CFH: variants seen among roughly 807,000 people sequenced by gnomAD.
CFH encodes H factor 1 (complement).
In CFH, 53 loss-of-function variants were observed where a neutral mutation model predicts 147.3. That is an observed-to-expected ratio of 0.36 (90% CI 0.29 to 0.45). CFH has a LOEUF of 0.45. CFH is among the 20% of genes least tolerant of loss of function. The pLI, the probability that CFH is intolerant of heterozygous loss-of-function variation, is 1.00. For synonymous variants in CFH, 536 were observed against 489.4 expected, an observed-to-expected ratio of 1.10 and a Z score of -1.26; for missense variants, 1,380 against 1,498.0, an observed-to-expected ratio of 0.92 and a Z score of 1.30.
chr1:196,698,432 T>C (rs1668351519), intron 9 of CFH, among the ~76,000 whole-genome samples: 1 of 152,116 alleles, frequency 6.6e-6, no homozygotes, highest in African/African-American at 2.4e-5. Context: ...CATCAGAGAA[T>C]ACTATAAACA....
rs939118688 is a variant in CFH at position 196,708,538 on chromosome 1, G to C, written c.1337-5197G>C. Among the ~76,000 whole-genome samples, 3 of 152,106 alleles carry C rather than the reference G, an allele frequency of 2.0e-5. No homozygotes were observed. In the South Asian group the frequency reaches 6.2e-4, roughly 32 times the overall value. ...TACTATGCCAAAAATATTTACAGTG[G>C]GGAATATCACACAAATTCTGGGGAG... On this transcript the variant is annotated intron_variant, in intron 9 of 21. Transcript: ENST00000367429.
At chr1:196,690,997 C>G (rs1455227362) in intron 9 of CFH, among the ~76,000 whole-genome samples, 2 of 152,086 alleles carry the variant, frequency 1.3e-5, no homozygotes, top group Non-Finnish European at 2.9e-5. Flanking sequence ...TGCAAGCTTC[C>G]AGCTTGCTTG....
chr1:196,717,767 G>T (rs572149230), intron 11 of CFH, among the ~76,000 whole-genome samples: 1 of 152,206 alleles, frequency 6.6e-6, no homozygotes, highest in African/African-American at 2.4e-5. Flanking sequence ...GACTTACATA[G>T]TTGCCCTGAG....
At chr1:196,705,383 T>C (rs1411960838) in intron 9 of CFH, among the ~76,000 whole-genome samples, 1 of 152,200 alleles carries the variant, frequency 6.6e-6, no homozygotes, top group African/African-American at 2.4e-5. Flanking sequence ...GAGGGGTTTT[T>C]AGGTATGGCT....
At chr1:196,717,363 C>T (rs1668895402) in intron 11 of CFH, among the ~76,000 whole-genome samples, 1 of 151,912 alleles carries the variant, frequency 6.6e-6, no homozygotes, top group Non-Finnish European at 1.5e-5. Context: ...ATATTTATTG[C>T]CATAGTGCCT....
At chr1:196,730,168 A>G (rs184058383) in intron 15 of CFH, among the ~76,000 whole-genome samples, 76 of 151,912 alleles carry the variant, frequency 5.0e-4, no homozygotes, top group Non-Finnish European at 9.1e-4. Context: ...TTTGAGGTGT[A>G]CTACTAGACT....
In CFH at chr1:196,690,921, C is replaced by T. The variant is rs192585786; in HGVS notation, c.1336+682C>T. Reference sequence around the variant, plus strand: ...CTGGCAAAGAGAAAGGAAGATGCACCTGCCATATGAACATGCCTAGTCCCA... The same window carrying T: ...CTGGCAAAGAGAAAGGAAGATGCACTTGCCATATGAACATGCCTAGTCCCA... On this transcript the variant is annotated intron_variant, in intron 9 of 21. Coordinates refer to ENST00000367429, the MANE Select transcript of CFH (RefSeq NM_000186.4). 1.5e-3 allele frequency among the ~76,000 whole-genome samples: 228 copies of T among 152,268 alleles called. 2 individuals carry two copies. Among genetic ancestry groups the T allele is most frequent in the African/African-American group, 5.2e-3 (218 of 41,566 alleles).
At chr1:196,693,602 C>A (rs895600766) in intron 9 of CFH, among the ~76,000 whole-genome samples, 1 of 152,034 alleles carries the variant, frequency 6.6e-6, no homozygotes, top group Admixed American at 6.6e-5. Flanking sequence ...ATGCTCTGGG[C>A]GGGATGGAGC....
chr1:196,737,683 A>AT (rs1652609462), intron 17 of CFH, 23 bp downstream of exon 17: 3 of 1,594,114 alleles, frequency 1.9e-6, no homozygotes, highest in Non-Finnish European at 2.6e-6. Context: ...TGAATACTCA[A>AT]TTTCTGTTTA....
intron 11 of CFH, among the ~76,000 whole-genome samples, chr1:196,721,029 T>C (rs1449119899): frequency 6.6e-6 from 1 of 152,076 alleles, no homozygotes; most frequent in Admixed American, 6.6e-5. Flanking sequence ...CTCATTTTTT[T>C]AATTCGCATT....
intron 7 of CFH, among the ~76,000 whole-genome samples, chr1:196,688,217 C>A (rs1354095754): frequency 6.6e-6 from 1 of 151,666 alleles, no homozygotes; most frequent in African/African-American, 2.4e-5. Flanking sequence ...ATGAAAAGAG[C>A]AAATTTTCTG....
chr1:196,672,685 T>C (rs1009738264), intron 1 of CFH, among the ~76,000 whole-genome samples: 2 of 152,162 alleles, frequency 1.3e-5, no homozygotes, highest in Non-Finnish European at 2.9e-5. Context: ...CAATTAAGAG[T>C]AATATAACAA....
At chr1:196,669,656 G>C (rs942897573) in intron 1 of CFH, among the ~76,000 whole-genome samples, 1 of 152,228 alleles carries the variant, frequency 6.6e-6, no homozygotes, top group Admixed American at 6.5e-5. Flanking sequence ...TTCAGAAAAT[G>C]TATATAAGTG....
chr1:196,669,281 G>A (rs1036983979), intron 1 of CFH, among the ~76,000 whole-genome samples: 2 of 152,124 alleles, frequency 1.3e-5, no homozygotes, highest in Non-Finnish European at 2.9e-5. Context: ...AATAAAACCC[G>A]AATTTTCTTG....
intron 6 of CFH, 133 bp downstream of exon 6, chr1:196,679,926 A>T (rs1262792055): frequency 1.2e-6 from 1 of 841,308 alleles, no homozygotes; most frequent in African/African-American, 1.7e-5. Context: ...AAAAACATAT[A>T]GCATTTTCTG....
intron 1 of CFH, among the ~76,000 whole-genome samples, chr1:196,668,071 T>C (rs1249414564): frequency 1.3e-5 from 2 of 152,154 alleles, no homozygotes; most frequent in Non-Finnish European, 2.9e-5. Context: ...AGGCTCTTTT[T>C]TATTTGAGTA....
At chr1:196,711,663 G>T (rs1668725487) in intron 9 of CFH, among the ~76,000 whole-genome samples, 1 of 151,924 alleles carries the variant, frequency 6.6e-6, no homozygotes, top group Non-Finnish European at 1.5e-5. Context: ...GAGATAGTTT[G>T]TTCAGAATAT....
Position 196,672,960 on chromosome 1 carries a change from T to C in CFH, c.59-18T>C. The C allele has an allele frequency of 6.2e-7, 1 of 1,605,936 alleles. No homozygotes were observed. The highest frequency in any genetic ancestry group is 8.5e-7 in the Non-Finnish European group (1 of 1,173,022). On this transcript the variant is annotated intron_variant, in intron 1 of 21. Transcript: ENST00000367429. ...AAATAGACACTTTATGCACTTATTT[T>C]GTTTTTATTGTTTGTAGATTGCAAT...
chr1:196,680,839 A>C (rs1263646645), intron 6 of CFH, among the ~76,000 whole-genome samples: 4 of 151,946 alleles, frequency 2.6e-5, no homozygotes, highest in African/African-American at 9.7e-5. Context: ...ATACACTAAA[A>C]AAATTTTGGT....
Sources: allele counts gnomAD v4.1 joint callset (sites outside exome capture counted in the v4.1 genomes callset), GRCh38; gene constraint gnomAD v4.1.1; transcripts MANE v1.5; gene names NCBI Gene and HGNC (gene_info 2026-07-23, HGNC 2026-07-21).